CDC20B: variants seen among roughly 807,000 people sequenced by gnomAD.
CDC20B encodes the protein cell division cycle 20B, also known as cell division cycle protein 20 homolog B.
A neutral mutation model predicts 64.1 loss-of-function variants in CDC20B; 58 were observed. The observed-to-expected ratio is 0.90, with a 90% confidence interval of 0.73 to 1.13. The LOEUF is 1.13. CDC20B is among the 50% of genes most tolerant of loss of function. The pLI, the probability that CDC20B is intolerant of heterozygous loss-of-function variation, is 0.00. For synonymous variants in CDC20B, 243 were observed against 230.6 expected (o/e 1.05, Z -0.49); for missense variants, 597 against 633.0 (o/e 0.94, Z 0.61).
Position 55,146,820 on chromosome 5 carries a change from T to TA in CDC20B, c.162dup (p.Lys55Ter), listed in dbSNP as rs1554050559. 2 of 1,614,030 alleles carry TA rather than the reference T, an allele frequency of 1.2e-6. No individual in the cohort carries two copies. The highest frequency in any genetic ancestry group is 2.7e-5 in the African/African-American group (2 of 74,914). On this transcript the variant is annotated frameshift_variant, in exon 3 of 12. Coordinates refer to ENST00000381375, the MANE Select transcript of CDC20B (RefSeq NM_001170402.1). LOFTEE classifies it high-confidence loss of function. ...GACAGCCTCTTCGCAAAGTTGCTCT[T>TA]AAAGTCAGAATACGTAGCATTAACT...
intron 3 of CDC20B, among the ~76,000 whole-genome samples, chr5:55,145,288 T>C (rs1448653228): frequency 6.6e-6 from 1 of 152,238 alleles, no homozygotes; most frequent in Non-Finnish European, 1.5e-5. Context: ...TGTCGTTACA[T>C]GGGAATTTCA....
intron 2 of CDC20B, chr5:55,164,886 G>T (rs1034074654): frequency 6.6e-6 from 1 of 151,996 alleles, no homozygotes; most frequent in Admixed American, 6.6e-5. Context: ...ATAAATGACC[G>T]TATTATAACA....
intron 4 of CDC20B, among the ~76,000 whole-genome samples, chr5:55,142,651 G>A (rs1249582127): frequency 3.9e-5 from 6 of 152,096 alleles, no homozygotes; most frequent in Non-Finnish European, 8.8e-5. Context: ...AATTATCTCA[G>A]TAGGACTCCC....
chr5:55,117,353 A>G (rs534660355), intron 11 of CDC20B, among the ~76,000 whole-genome samples: 2 of 152,324 alleles, frequency 1.3e-5, no homozygotes, highest in Admixed American at 6.5e-5. Flanking sequence ...TGTGACCACA[A>G]TCCACAGCCA....
At chr5:55,172,339 C>T in intron 2 of CDC20B, 1 of 442,190 alleles carries the variant, frequency 2.3e-6, no homozygotes, top group Non-Finnish European at 4.1e-6. Flanking sequence ...CACTGCCTAC[C>T]TGACACATCC....
chr5:55,114,298 G>T lies in CDC20B; in HGVS notation c.1480C>A (p.His494Asn). ...GFFGHRGRVL[H>N]LSLSPDQTRV... Reference sequence around the variant, plus strand: ...GTCTGGTCTGGACTCAAAGACAGGTGCAGCACTCTGCCCCTGTGGCCTGGG... The same window carrying T: ...GTCTGGTCTGGACTCAAAGACAGGTTCAGCACTCTGCCCCTGTGGCCTGGG... Residue 494 changes from histidine to asparagine, a missense_variant, in exon 12 of 12, where the codon CAC (histidine) becomes AAC (asparagine). His to Asn is a moderately conservative substitution (Grantham distance 68). Transcript: ENST00000381375. This position sits in a 1 kb window ranked among gnomAD's most constrained non-coding sequence, Gnocchi z 4.1. 1 of 1,613,908 alleles carries T rather than the reference G, an allele frequency of 6.2e-7. No individual in the cohort carries two copies. Among genetic ancestry groups the T allele is most frequent in the South Asian group, 1.1e-5 (1 of 91,064 alleles).
chr5:55,169,491 C>A, intron 2 of CDC20B, among the ~76,000 whole-genome samples: 1 of 152,182 alleles, frequency 6.6e-6, no homozygotes, highest in Non-Finnish European at 1.5e-5. Flanking sequence ...CTTCGTGGGT[C>A]AAAATGCCTC....
Position 55,128,487 on chromosome 5 carries a change from GAT to G in CDC20B, c.826_827del (p.Ile276LeufsTer29), listed in dbSNP as rs1188515738. ...NIDLSLTCNY[I>X]SSVSWIKEGT... Reference sequence around the variant, plus strand: ...CCTCTTTTATCCAGGACACAGAAGAGATATAGTTACAAGTGAGACTTAAGTCT... The same window carrying G: ...CCTCTTTTATCCAGGACACAGAAGAGATAGTTACAAGTGAGACTTAAGTCT... On this transcript the variant is annotated frameshift_variant, in exon 7 of 12. Transcript: ENST00000381375. LOFTEE classifies it high-confidence loss of function. 3 of 1,611,564 alleles carry G rather than the reference GAT, an allele frequency of 1.9e-6. No individual in the cohort carries two copies. Among genetic ancestry groups the G allele is most frequent in the Non-Finnish European group, 1.7e-6 (2 of 1,179,430 alleles).
At chr5:55,120,367 T>C (rs2111799438) in intron 10 of CDC20B, 58 bp downstream of exon 10, 3 of 1,603,926 alleles carry the variant, frequency 1.9e-6, no homozygotes, top group Non-Finnish European at 1.7e-6. Context: ...TGTTGTAAAC[T>C]ATTTTCACAA....
chr5:55,124,670 T>C (rs1255892147), intron 9 of CDC20B, 133 bp downstream of exon 9: 2 of 785,926 alleles, frequency 2.5e-6, no homozygotes, highest in Non-Finnish European at 4.0e-6. Flanking sequence ...AGGAGAGTGA[T>C]GACAAACTCC....
intron 2 of CDC20B, among the ~76,000 whole-genome samples, chr5:55,153,973 CA>C (rs1743742841): frequency 6.6e-6 from 1 of 152,098 alleles, no homozygotes; most frequent in Non-Finnish European, 1.5e-5. Context: ...GTCCCATTAA[CA>C]GAAAAATAGT....
In CDC20B at chr5:55,133,546, T is replaced by C; in HGVS notation, c.581-18A>G. On this transcript the variant is annotated intron_variant, in intron 5 of 11. Coordinates refer to ENST00000381375, the MANE Select transcript of CDC20B (RefSeq NM_001170402.1). ...TTTGCAGCCTACAAGAAACAAACAC[T>C]TCTACACAGCTCTAAGATCCTGAAA... 3.6e-6 allele frequency: 4 copies of C among 1,117,788 alleles called. No homozygotes were observed. Among genetic ancestry groups the C allele is most frequent in the Non-Finnish European group, 2.6e-6 (2 of 768,542 alleles). 69.2% of individuals were successfully genotyped at this position (1,117,788 alleles called of 1,614,324 possible). A position where few individuals can be genotyped will look rare whatever the true frequency, so the allele number is the denominator to read the frequency against.
chr5:55,172,546 A>C, intron 2 of CDC20B, 42 bp downstream of exon 2: 1 of 1,468,294 alleles, frequency 6.8e-7, no homozygotes, highest in Non-Finnish European at 9.5e-7. Flanking sequence ...TTTGTTCAAG[A>C]TCAGAATTAA....
At chr5:55,145,370 G>T (rs1027027593) in intron 3 of CDC20B, among the ~76,000 whole-genome samples, 1 of 152,186 alleles carries the variant, frequency 6.6e-6, no homozygotes, top group African/African-American at 2.4e-5. Flanking sequence ...TGATGTCATT[G>T]AAAAGAGTTG....
chr5:55,127,035 T>C (rs1742909267), intron 8 of CDC20B, among the ~76,000 whole-genome samples: 1 of 152,204 alleles, frequency 6.6e-6, no homozygotes, highest in Admixed American at 6.5e-5. Context: ...ATTTAGTGCA[T>C]CCCATGCAGA....
At chr5:55,172,275 A>G (rs1410630295) in intron 2 of CDC20B, 4 of 287,950 alleles carry the variant, frequency 1.4e-5, no homozygotes, top group Non-Finnish European at 2.7e-5. Flanking sequence ...TCTGAATGCA[A>G]CAGAGAGGAG....
In CDC20B at chr5:55,114,325, G is replaced by C. The variant is rs150345313; in HGVS notation, c.1460-7C>G. On this transcript the variant is annotated splice_polypyrimidine_tract_variant and splice_region_variant and intron_variant, in intron 11 of 11. Coordinates refer to ENST00000381375, the MANE Select transcript of CDC20B (RefSeq NM_001170402.1). This position sits in a 1 kb window ranked among gnomAD's most constrained non-coding sequence, Gnocchi z 4.1. ...AGCACTCTGCCCCTGTGGCCTGGGGGAAGAAGGAAAGACAGTTCATACTCC... is the reference window on the plus strand; with the variant it reads ...AGCACTCTGCCCCTGTGGCCTGGGGCAAGAAGGAAAGACAGTTCATACTCC... The C allele has an allele frequency of 3.8e-4, 612 of 1,613,152 alleles. 3 individuals are homozygous for C. The African/African-American group carries it at 7.4e-3, about 20-fold the overall frequency.
In CDC20B at chr5:55,128,583, A is replaced by T. The variant is rs546966348; in HGVS notation, c.732T>A (p.Leu244=). The T allele has an allele frequency of 1.1e-4, 172 of 1,572,886 alleles. 3 individuals are homozygous for T. The South Asian group carries it at 1.9e-3, about 18-fold the overall frequency. Residue 244 remains leucine, a synonymous_variant, in exon 7 of 12, where the codon CTT becomes CTA. Coordinates refer to ENST00000381375, the MANE Select transcript of CDC20B (RefSeq NM_001170402.1). ...LNILDWSFQN[L]VAIALGSAVY... ...CAGCAGAGCCCAGGGCTATGGCAACAAGATTCTGAAAACTCCAATCTAGGA... is the reference window on the plus strand; with the variant it reads ...CAGCAGAGCCCAGGGCTATGGCAACTAGATTCTGAAAACTCCAATCTAGGA...
At chr5:55,121,895 C>T (rs996296765) in intron 9 of CDC20B, among the ~76,000 whole-genome samples, 7 of 152,154 alleles carry the variant, frequency 4.6e-5, no homozygotes, top group Non-Finnish European at 8.8e-5. Flanking sequence ...TACATCTTAA[C>T]GCTTTTCTTA....
Sources: allele counts gnomAD v4.1 joint callset (sites outside exome capture counted in the v4.1 genomes callset), GRCh38; gene constraint gnomAD v4.1.1; non-coding constraint Gnocchi (gnomAD v3.1); transcripts MANE v1.5; gene names NCBI Gene and HGNC (gene_info 2026-07-23, HGNC 2026-07-21).